Variants in ATRN observed in about 807,000 individuals in gnomAD.
ATRN encodes attractin.
ATRN carries 54 observed loss-of-function variants against 178.7 expected under a neutral mutation model. The ratio of observed to expected loss-of-function variants is 0.30; its 90% CI spans 0.24 to 0.38. The LOEUF is 0.38. Among genes scored for constraint, ATRN ranks in the 10% least tolerant of loss-of-function variants. The pLI is 1.00. For missense variants in ATRN, 1,443 were observed against 1,815.1 expected, an observed-to-expected ratio of 0.79 and a Z score of 3.73; for synonymous variants, 636 against 663.0, an observed-to-expected ratio of 0.96 and a Z score of 0.63.
At chr20:3,625,122 A>G (rs532198411) in intron 25 of ATRN, among the ~76,000 whole-genome samples, 1 of 152,360 alleles carries the variant, frequency 6.6e-6, no homozygotes, top group African/African-American at 2.4e-5. Flanking sequence ...GAAAGCAGCA[A>G]TAGCCTGCCT....
intron 1 of ATRN, among the ~76,000 whole-genome samples, chr20:3,528,212 A>G (rs1305764401): frequency 2.0e-5 from 3 of 152,042 alleles, no homozygotes; most frequent in Non-Finnish European, 4.4e-5. Flanking sequence ...TACTAAAAAT[A>G]GAAAAATTAG....
intron 16 of ATRN, among the ~76,000 whole-genome samples, 180 bp from the exon 17 acceptor site, chr20:3,583,718 G>C (rs1317735601): frequency 6.6e-6 from 1 of 152,024 alleles, no homozygotes; most frequent in Non-Finnish European, 1.5e-5. Context: ...TGAGGCAGGA[G>C]AATCACTTGA....
chr20:3,621,947 A>G (rs535701523), intron 24 of ATRN, among the ~76,000 whole-genome samples: 2 of 152,344 alleles, frequency 1.3e-5, no homozygotes, highest in African/African-American at 4.8e-5. Context: ...GCAAATGTTT[A>G]TTAAGTGCCA....
rs237410 is a variant in ATRN, at chr20:3,535,396, A to G, written c.494+60A>G. ...TTAGCATAGAAGTCAGTGTGACATT[A>G]GTTTTCCCACAAGTAAAATTAACAA... On this transcript the variant is annotated intron_variant, in intron 2 of 28. Coordinates refer to ENST00000262919, the MANE Select transcript of ATRN (RefSeq NM_139321.3). 1,650 of 892,884 alleles carry G rather than the reference A, an allele frequency of 1.8e-3. 22 individuals are homozygous for G. The African/African-American group carries it at 0.026, about 14-fold the overall frequency. 55.3% of individuals were successfully genotyped at this position (892,884 alleles called of 1,614,324 possible). A position where few individuals can be genotyped will look rare whatever the true frequency, so the allele number is the denominator to read the frequency against.
rs1309160653 is a variant in ATRN, at chr20:3,572,743, G to A, written c.1884G>A (p.Val628=). 6.2e-7 allele frequency: 1 copy of A among 1,613,576 alleles called. No homozygotes were observed. The highest frequency in any genetic ancestry group is 1.3e-5 in the African/African-American group (1 of 74,794). The change falls in exon 12 of 29, where the codon GTG becomes GTA. Residue 628 remains valine, a synonymous_variant. Coordinates refer to ENST00000262919, the MANE Select transcript of ATRN (RefSeq NM_139321.3). ...SAVLHNSTMY[V]FGGFNSLLLS... ...TTTTTCCTCTTAGCACCATGTATGT[G>A]TTCGGTGGTTTCAATAGTCTCCTCC... is the stretch of plus-strand genomic sequence containing the variant.
chr20:3,637,545 C>G (rs936596376), intron 26 of ATRN, among the ~76,000 whole-genome samples: 3 of 152,214 alleles, frequency 2.0e-5, no homozygotes, highest in Admixed American at 6.5e-5. Context: ...ATTCTGTCTT[C>G]TACAGTAGTT....
intron 1 of ATRN, among the ~76,000 whole-genome samples, chr20:3,492,972 A>G (rs1029001204): frequency 1.0e-4 from 15 of 146,804 alleles, no homozygotes; most frequent in Admixed American, 8.2e-4. Flanking sequence ...AATATACTAT[A>G]TAGATAATAT....
In ATRN at chr20:3,605,685, C is replaced by G. The variant is rs565691072; in HGVS notation, c.3801+1423C>G. Reference sequence around the variant, plus strand: ...AAACCAGGTACCACATGTTCTCACTCGTAAGTGGGAGCCGAGAACACATGG... The same window carrying G: ...AAACCAGGTACCACATGTTCTCACTGGTAAGTGGGAGCCGAGAACACATGG... On this transcript the variant is annotated intron_variant, in intron 24 of 28. Coordinates refer to ENST00000262919, the MANE Select transcript of ATRN (RefSeq NM_139321.3). Among the ~76,000 whole-genome samples, 57 of 152,178 alleles carry G rather than the reference C, an allele frequency of 3.7e-4. No homozygotes were observed. In the South Asian group the frequency reaches 0.011, roughly 30 times the overall value.
At chr20:3,549,117 C>A in intron 5 of ATRN, 53 bp from the exon 6 acceptor site, 1 of 1,400,182 alleles carries the variant, frequency 7.1e-7, no homozygotes, top group Non-Finnish European at 9.7e-7. Context: ...ACTTGAAATG[C>A]AGTAAGCTTT....
At position 3,646,942 on chromosome 20, in the gene ATRN, G is replaced by A; in HGVS notation, c.*95G>A. 6.7e-7 allele frequency: 1 copy of A among 1,488,276 alleles called. No homozygotes were observed. Among genetic ancestry groups the A allele is most frequent in the East Asian group, 2.4e-5 (1 of 41,550 alleles). 92.2% of individuals were successfully genotyped at this position (1,488,276 alleles called of 1,614,324 possible). A position where few individuals can be genotyped will look rare whatever the true frequency, so the allele number is the denominator to read the frequency against. ...CGTGGCGGGGAAATGGCTGTGCGGT[G>A]CGGGACGGAAGACTGGAAACCCTCA... On this transcript the variant is annotated 3_prime_UTR_variant, in exon 29 of 29. Coordinates refer to ENST00000262919, the MANE Select transcript of ATRN (RefSeq NM_139321.3).
chr20:3,607,083 A>C (rs1256858247), intron 24 of ATRN, among the ~76,000 whole-genome samples: 1 of 151,986 alleles, frequency 6.6e-6, no homozygotes, highest in Non-Finnish European at 1.5e-5. Flanking sequence ...TTTTTATATC[A>C]TGTTTTTAAA....
At chr20:3,525,240 A>G (rs1307589644) in intron 1 of ATRN, among the ~76,000 whole-genome samples, 1 of 152,228 alleles carries the variant, frequency 6.6e-6, no homozygotes, top group Non-Finnish European at 1.5e-5. Context: ...CCAAAGAAAT[A>G]GAAACTGCCA....
chr20:3,491,385 C>T (rs1236816269), intron 1 of ATRN, among the ~76,000 whole-genome samples: 4 of 152,168 alleles, frequency 2.6e-5, no homozygotes, highest in Non-Finnish European at 5.9e-5. Flanking sequence ...TCTTACTAAA[C>T]TTCATAACGT....
At chr20:3,521,485 A>G (rs1447675711) in intron 1 of ATRN, among the ~76,000 whole-genome samples, 2 of 152,240 alleles carry the variant, frequency 1.3e-5, no homozygotes, top group Admixed American at 1.3e-4. Flanking sequence ...ACAGAGTTCT[A>G]AAATACATGA....
intron 1 of ATRN, 81 bp downstream of exon 1, chr20:3,471,598 G>C: frequency 1.5e-6 from 2 of 1,349,578 alleles, no homozygotes; most frequent in Non-Finnish European, 1.9e-6. Context: ...CCAGGTCAGA[G>C]GGAGATGCTG....
At chr20:3,507,094 A>G (rs1182278999) in intron 1 of ATRN, among the ~76,000 whole-genome samples, 1 of 151,170 alleles carries the variant, frequency 6.6e-6, no homozygotes, top group Non-Finnish European at 1.5e-5. Flanking sequence ...TTACTTTTGC[A>G]CCAACCTAAT....
Position 3,638,790 on chromosome 20 carries a change from A to T in ATRN, c.3943-38A>T. 6.4e-7 allele frequency: 1 copy of T among 1,573,578 alleles called. No homozygotes were observed. The highest frequency in any genetic ancestry group is 8.7e-7 in the Non-Finnish European group (1 of 1,143,854). Reference sequence around the variant, plus strand: ...CATTAACTAATAAAACCCCTTCAGTACTCATTCCATTAATGGCTTTGCCAT... The same window carrying T: ...CATTAACTAATAAAACCCCTTCAGTTCTCATTCCATTAATGGCTTTGCCAT... On this transcript the variant is annotated intron_variant, in intron 26 of 28. Coordinates refer to ENST00000262919, the MANE Select transcript of ATRN (RefSeq NM_139321.3). This position sits in a 1 kb window ranked among gnomAD's most constrained non-coding sequence, Gnocchi z 4.5.
chr20:3,603,250 A>C (rs1042615396), intron 23 of ATRN, among the ~76,000 whole-genome samples: 1 of 152,148 alleles, frequency 6.6e-6, no homozygotes, highest in Non-Finnish European at 1.5e-5. Flanking sequence ...TCCCTGCTAC[A>C]GTGGGTTAGG....
At chr20:3,474,992 A>G (rs747234500) in intron 1 of ATRN, among the ~76,000 whole-genome samples, 38 of 146,210 alleles carry the variant, frequency 2.6e-4, no homozygotes, top group Non-Finnish European at 4.4e-4. Context: ...AGATTGCGCC[A>G]TTGCACTCCA....
Sources: gnomAD v4.1 joint callset for allele counts (sites outside exome capture counted in the v4.1 genomes callset) on GRCh38, gnomAD v4.1.1 for gene constraint, Gnocchi (gnomAD v3.1) non-coding constraint, MANE v1.5 for transcripts, NCBI Gene and HGNC (gene_info 2026-07-23, HGNC 2026-07-21) for gene names.